The following PCDHA11 variants were observed in gnomAD, a reference collection of about 807,000 sequenced individuals.
The protein encoded by PCDHA11 is protocadherin alpha 11.
A neutral mutation model predicts 70.3 loss-of-function variants in PCDHA11; 61 were observed. That is an observed-to-expected ratio of 0.87 (90% CI 0.71 to 1.07). The LOEUF is 1.07. Ranked by LOEUF, PCDHA11 falls within the 50% of genes least tolerant of loss-of-function variation. PCDHA11 has a pLI of 0.00. For missense variants in PCDHA11, 1,324 were observed against 1,237.5 expected (o/e 1.07, Z -1.05); for synonymous variants, 633 against 555.1 (o/e 1.14, Z -1.97).
rs530482397 is a variant in PCDHA11, at chr5:140,923,460, T to C, written c.2391+51966T>C. ...GGAGGATCACCTGAGCCCAGAGAGG[T>C]AGGGGCTGCAGTGAGCCATCTTCAC... On this transcript the variant is annotated intron_variant, in intron 1 of 3. Coordinates refer to ENST00000398640, the MANE Select transcript of PCDHA11 (RefSeq NM_018902.5). Among the ~76,000 whole-genome samples, 704 of 151,994 alleles carry C rather than the reference T, an allele frequency of 4.6e-3. 3 individuals carry two copies. Among genetic ancestry groups the C allele is most frequent in the African/African-American group, 0.016 (681 of 41,446 alleles).
intron 1 of PCDHA11, among the ~76,000 whole-genome samples, chr5:140,953,761 A>C (rs1016551787): frequency 6.6e-6 from 1 of 152,202 alleles, no homozygotes; most frequent in Non-Finnish European, 1.5e-5. Flanking sequence ...TCCAAGAATT[A>C]AATTTAATAT....
At chr5:140,872,400 G>A (rs1582078480) in intron 1 of PCDHA11, among the ~76,000 whole-genome samples, 1 of 152,124 alleles carries the variant, frequency 6.6e-6, no homozygotes, top group Admixed American at 6.5e-5. Context: ...GCTGAGGCAG[G>A]AGAATTGCTT....
intron 1 of PCDHA11, chr5:140,883,933 G>C: frequency 6.2e-7 from 1 of 1,613,398 alleles, no homozygotes; most frequent in Non-Finnish European, 8.5e-7. Flanking sequence ...AGGTGTTCGT[G>C]CTGGACGAGA....
chr5:140,919,763 A>T (rs2079297949), intron 1 of PCDHA11, among the ~76,000 whole-genome samples: 2 of 152,090 alleles, frequency 1.3e-5, no homozygotes, highest in African/African-American at 4.8e-5. Flanking sequence ...TGCCTTTTGT[A>T]TTACTGTTAC....
At chr5:140,952,389 ACT>A (rs2094739055) in intron 1 of PCDHA11, among the ~76,000 whole-genome samples, 2 of 151,722 alleles carry the variant, frequency 1.3e-5, no homozygotes, top group African/African-American at 4.8e-5. Flanking sequence ...GGTACCCTAA[ACT>A]CATCATTCTC....
intron 1 of PCDHA11, among the ~76,000 whole-genome samples, chr5:140,895,632 A>T (rs2065081182): frequency 6.6e-6 from 1 of 152,052 alleles, no homozygotes; most frequent in South Asian, 2.1e-4. Context: ...GTCTTTTCAC[A>T]TTCTTTTTTA....
chr5:140,878,583 T>C (rs1355382396), intron 1 of PCDHA11, among the ~76,000 whole-genome samples: 1 of 152,236 alleles, frequency 6.6e-6, no homozygotes, highest in African/African-American at 2.4e-5. Context: ...CACTGCCCTG[T>C]GCCTATTACC....
At chr5:140,979,548 C>A (rs2153819465) in intron 2 of PCDHA11, among the ~76,000 whole-genome samples, 1 of 152,286 alleles carries the variant, frequency 6.6e-6, no homozygotes, top group African/African-American at 2.4e-5. Context: ...TGACATGGTT[C>A]TTCAGAAGAT....
intron 3 of PCDHA11, among the ~76,000 whole-genome samples, chr5:141,002,176 G>C (rs1554258553): frequency 6.6e-6 from 1 of 152,242 alleles, no homozygotes; most frequent in Non-Finnish European, 1.5e-5. Context: ...GCAGGCTCCA[G>C]AGTGCTGTCT....
chr5:140,965,672 A>G (rs1586083629), intron 1 of PCDHA11, among the ~76,000 whole-genome samples: 1 of 152,360 alleles, frequency 6.6e-6, no homozygotes, highest in South Asian at 2.1e-4. Context: ...TGATAAATGT[A>G]AAAGATTTGA....
At chr5:140,934,196 C>T in intron 1 of PCDHA11, among the ~76,000 whole-genome samples, 1 of 152,068 alleles carries the variant, frequency 6.6e-6, no homozygotes, top group East Asian at 1.9e-4. Context: ...CTTTTCATTT[C>T]TATTTCCTCA....
At chr5:140,871,677 T>C in intron 1 of PCDHA11, 183 bp downstream of exon 1, 1 of 1,122,130 alleles carries the variant, frequency 8.9e-7, no homozygotes, top group Non-Finnish European at 1.2e-6. Flanking sequence ...TTTAATCATA[T>C]GAATAATCTG....
At chr5:140,881,347 C>T in intron 1 of PCDHA11, 1 of 985,212 alleles carries the variant, frequency 1.0e-6, no homozygotes, top group Non-Finnish European at 1.2e-6. Context: ...ATTCGGGCTA[C>T]AATGCGTGGC....
chr5:140,922,765 A>T (rs1346337086), intron 1 of PCDHA11, among the ~76,000 whole-genome samples: 1 of 152,258 alleles, frequency 6.6e-6, no homozygotes, highest in Non-Finnish European at 1.5e-5. Flanking sequence ...TAAAGAATTT[A>T]AAAGAACTGG....
intron 1 of PCDHA11, among the ~76,000 whole-genome samples, chr5:140,950,908 T>G (rs1259421351): frequency 6.6e-6 from 1 of 152,072 alleles, no homozygotes; most frequent in Non-Finnish European, 1.5e-5. Flanking sequence ...TTTATTTTTA[T>G]TTTATTTCAG....
At chr5:140,935,394 G>C (rs959098226) in intron 1 of PCDHA11, among the ~76,000 whole-genome samples, 2 of 152,088 alleles carry the variant, frequency 1.3e-5, no homozygotes, top group East Asian at 3.8e-4. Context: ...GTTATCCCAC[G>C]GGACTCAAAC....
intron 1 of PCDHA11, chr5:140,882,203 TGA>T: frequency 6.5e-7 from 1 of 1,530,090 alleles, no homozygotes; most frequent in Non-Finnish European, 8.8e-7. Flanking sequence ...AATTGGGCCT[TGA>T]GAGACAGTTT....
intron 1 of PCDHA11, among the ~76,000 whole-genome samples, chr5:140,881,901 T>C (rs1455904146): frequency 6.6e-6 from 1 of 152,208 alleles, no homozygotes; most frequent in Non-Finnish European, 1.5e-5. Context: ...TGTCAGCTAA[T>C]ATAAAATGTT....
intron 1 of PCDHA11, chr5:140,882,865 A>G (rs1554175879): frequency 6.2e-7 from 1 of 1,614,248 alleles, no homozygotes; most frequent in Non-Finnish European, 8.5e-7. Context: ...TGAGGAAAAC[A>G]CTGGACAGAG....
Sources: gnomAD v4.1 joint callset for allele counts (sites outside exome capture counted in the v4.1 genomes callset) on GRCh38, gnomAD v4.1.1 for gene constraint, MANE v1.5 for transcripts, NCBI Gene and HGNC (gene_info 2026-07-23, HGNC 2026-07-21) for gene names.